Variants in TRPC4 observed in about 807,000 individuals in gnomAD.
TRPC4 encodes the protein transient receptor potential cation channel subfamily C member 4.
Under a neutral mutation model 99.4 loss-of-function variants are expected in TRPC4, and 49 were observed. That is an observed-to-expected ratio of 0.49 (90% CI 0.39 to 0.63). The LOEUF is 0.63. TRPC4 is among the 20% of genes least tolerant of loss of function. The pLI is 0.00. For missense variants in TRPC4, 898 were observed against 1,152.9 expected, an observed-to-expected ratio of 0.78 and a Z score of 3.20; for synonymous variants, 454 against 425.9, an observed-to-expected ratio of 1.07 and a Z score of -0.81.
At chr13:37,697,481 C>T (rs544886576) in intron 3 of TRPC4, among the ~76,000 whole-genome samples, 76 of 152,274 alleles carry the variant, frequency 5.0e-4, no homozygotes, top group Non-Finnish European at 9.0e-4. Context: ...AAAAGAATTT[C>T]ATGTTAAAAA....
At chr13:37,711,465 T>C (rs1954482471) in intron 3 of TRPC4, among the ~76,000 whole-genome samples, 1 of 151,970 alleles carries the variant, frequency 6.6e-6, no homozygotes, top group Non-Finnish European at 1.5e-5. Context: ...AATCCATGAT[T>C]CCAGTTTAAA....
At chr13:37,859,691 A>C (rs1007309638) in intron 1 of TRPC4, among the ~76,000 whole-genome samples, 4 of 151,480 alleles carry the variant, frequency 2.6e-5, no homozygotes, top group African/African-American at 9.7e-5. Context: ...TCACACAAAA[A>C]TAAAAAATTC....
At chr13:37,784,567 A>G (rs1283287507) in intron 1 of TRPC4, among the ~76,000 whole-genome samples, 6 of 151,986 alleles carry the variant, frequency 3.9e-5, no homozygotes, top group Non-Finnish European at 7.4e-5. Flanking sequence ...GAACTCACAT[A>G]TTTATTTGGA....
At chr13:37,857,834 C>A (rs181631483) in intron 1 of TRPC4, among the ~76,000 whole-genome samples, 1 of 151,544 alleles carries the variant, frequency 6.6e-6, no homozygotes, top group African/African-American at 2.4e-5. Flanking sequence ...TTTGGAGAAA[C>A]GCTTCAGAAC....
chr13:37,730,570 A>G (rs1451381674), intron 3 of TRPC4, among the ~76,000 whole-genome samples: 5 of 151,964 alleles, frequency 3.3e-5, no homozygotes, highest in South Asian at 2.1e-4. Context: ...CATTTATATT[A>G]TCAAAGCTCT....
chr13:37,751,230 C>T (rs1262041387), intron 2 of TRPC4, among the ~76,000 whole-genome samples: 6 of 152,108 alleles, frequency 3.9e-5, no homozygotes, highest in African/African-American at 1.4e-4. Flanking sequence ...TCCTCCGGAG[C>T]TCCTGTTTAC....
intron 2 of TRPC4, among the ~76,000 whole-genome samples, chr13:37,777,872 T>C (rs1262253785): frequency 6.6e-6 from 1 of 151,936 alleles, no homozygotes; most frequent in Admixed American, 6.6e-5. Flanking sequence ...CTTGTCCAAT[T>C]AGTAAGTGGT....
chr13:37,797,635 A>G (rs1957293711), intron 1 of TRPC4, among the ~76,000 whole-genome samples: 1 of 152,152 alleles, frequency 6.6e-6, no homozygotes, highest in African/African-American at 2.4e-5. Flanking sequence ...TTATTTCTAC[A>G]CTGAACTCAG....
chr13:37,765,478 G>C (rs1053060918), intron 2 of TRPC4, among the ~76,000 whole-genome samples: 1 of 151,366 alleles, frequency 6.6e-6, no homozygotes, highest in Non-Finnish European at 1.5e-5. Context: ...TATTTGACAT[G>C]TATTTCTCCC....
chr13:37,644,075 A>T (rs1483136144), intron 8 of TRPC4, among the ~76,000 whole-genome samples: 1 of 152,216 alleles, frequency 6.6e-6, no homozygotes, highest in African/African-American at 2.4e-5. Flanking sequence ...GAAGGGGCAT[A>T]CAATTCAACT....
intron 2 of TRPC4, among the ~76,000 whole-genome samples, chr13:37,778,859 C>G (rs1956770870): frequency 6.6e-6 from 1 of 152,012 alleles, no homozygotes; most frequent in African/African-American, 2.4e-5. Flanking sequence ...TATGAGACAT[C>G]TAACATAAAA....
chr13:37,727,031 C>T (rs1955088898), intron 3 of TRPC4, among the ~76,000 whole-genome samples: 1 of 151,984 alleles, frequency 6.6e-6, no homozygotes, highest in East Asian at 1.9e-4. Flanking sequence ...ACAGAATAAT[C>T]TTCCTTTAAG....
chr13:37,762,309 C>T (rs571650129), intron 2 of TRPC4, among the ~76,000 whole-genome samples: 13 of 151,874 alleles, frequency 8.6e-5, no homozygotes, highest in African/African-American at 3.1e-4. Flanking sequence ...GTCAGTGTGG[C>T]GATTCCTCAG....
At chr13:37,791,350 C>T (rs970955000) in intron 1 of TRPC4, among the ~76,000 whole-genome samples, 6 of 145,846 alleles carry the variant, frequency 4.1e-5, no homozygotes, top group Non-Finnish European at 7.4e-5. Context: ...GAGCCGATAT[C>T]GTGCCACTAC....
At chr13:37,719,838 G>A (rs373453721) in intron 3 of TRPC4, among the ~76,000 whole-genome samples, 1 of 149,212 alleles carries the variant, frequency 6.7e-6, no homozygotes, top group South Asian at 2.1e-4. Flanking sequence ...CAGGAATGAA[G>A]GTTGCAGATG....
chr13:37,660,152 A>G (rs1260936645), intron 6 of TRPC4, among the ~76,000 whole-genome samples: 1 of 152,218 alleles, frequency 6.6e-6, no homozygotes, highest in Non-Finnish European at 1.5e-5. Context: ...ACTATTTAAA[A>G]GCAGTAATGA....
At chr13:37,707,495 CAG>C (rs1954323878) in intron 3 of TRPC4, among the ~76,000 whole-genome samples, 1 of 152,106 alleles carries the variant, frequency 6.6e-6, no homozygotes, top group Non-Finnish European at 1.5e-5. Context: ...AAGACATGAA[CAG>C]AGTGTTTAGT....
chr13:37,713,395 G>A (rs554410987), intron 3 of TRPC4, among the ~76,000 whole-genome samples: 4 of 152,160 alleles, frequency 2.6e-5, no homozygotes, highest in African/African-American at 4.8e-5. Context: ...AAGATTGCCT[G>A]AAATAAAAGC....
At chr13:37,819,312 A>G (rs144276328) in intron 1 of TRPC4, among the ~76,000 whole-genome samples, 1,997 of 152,142 alleles carry the variant, frequency 0.013, 22 homozygotes, top group South Asian at 0.04. Context: ...ATTTGACCCA[A>G]CAATCCCATT....
Sources: gnomAD v4.1 joint callset for allele counts (sites outside exome capture counted in the v4.1 genomes callset) on GRCh38, gnomAD v4.1.1 for gene constraint, MANE v1.5 for transcripts, NCBI Gene and HGNC (gene_info 2026-07-23, HGNC 2026-07-21) for gene names.